The following RNF144A variants were observed in gnomAD, a reference collection of about 807,000 sequenced individuals.
The protein encoded by RNF144A is E3 ubiquitin-protein ligase RNF144A.
RNF144A carries 11 observed loss-of-function variants against 38.7 expected under a neutral mutation model. That is an observed-to-expected ratio of 0.28 (90% CI 0.18 to 0.47). RNF144A has a LOEUF of 0.47. RNF144A is among the 20% of genes least tolerant of loss of function. RNF144A has a pLI of 0.99. For missense variants in RNF144A, 316 were observed against 377.2 expected, an observed-to-expected ratio of 0.84 and a Z score of 1.34; for synonymous variants, 149 against 143.9, an observed-to-expected ratio of 1.04 and a Z score of -0.25.
At position 7,020,493 on chromosome 2, in the gene RNF144A, C is replaced by G; in HGVS notation, c.322C>G (p.Arg108Gly). ...ACCAGAGGTGCTGTTTGATCCCTGT[C>G]GGACTTGGTGCCCGGCGTCCACCTG... ...FEREVLFDPCRTWCPASTCQA... is the reference protein window; with the variant it reads ...FEREVLFDPCGTWCPASTCQA... The change falls in exon 6 of 9, where the codon CGG becomes GGG. Residue 108 changes from arginine (R) to glycine (G), a missense_variant. Arg to Gly is a moderately radical substitution (Grantham distance 125). Transcript: ENST00000320892. 1 of 1,613,758 alleles carries G rather than the reference C, an allele frequency of 6.2e-7. No individual in the cohort carries two copies. Among genetic ancestry groups the G allele is most frequent in the Non-Finnish European group, 8.5e-7 (1 of 1,179,962 alleles).
chr2:7,011,937 A>G (rs1384931275), intron 3 of RNF144A, among the ~76,000 whole-genome samples: 3 of 152,234 alleles, frequency 2.0e-5, no homozygotes, highest in African/African-American at 4.8e-5. Context: ...CTGATGACAC[A>G]TGATGTTCAC....
chr2:7,014,660 A>G (rs1671024288), intron 4 of RNF144A, 52 bp from the exon 5 acceptor site: 3 of 1,553,626 alleles, frequency 1.9e-6, no homozygotes, highest in East Asian at 2.2e-5. Flanking sequence ...GTTGCATTAT[A>G]TTCTAGCCCT....
intron 1 of RNF144A, among the ~76,000 whole-genome samples, chr2:6,930,851 C>T (rs1168718590): frequency 1.3e-5 from 2 of 152,268 alleles, no homozygotes; most frequent in Non-Finnish European, 2.9e-5. Context: ...ACCTCGGCCT[C>T]CCAAAGTGCT....
intron 3 of RNF144A, among the ~76,000 whole-genome samples, chr2:6,998,396 G>C (rs1669898287): frequency 6.6e-6 from 1 of 152,122 alleles, no homozygotes. Flanking sequence ...TTTTATCTTT[G>C]TTTTATAGAT....
intron 2 of RNF144A, among the ~76,000 whole-genome samples, chr2:6,957,698 T>G (rs1667097351): frequency 6.6e-6 from 1 of 152,256 alleles, no homozygotes; most frequent in East Asian, 1.9e-4. Flanking sequence ...ACTTGGACTT[T>G]ATGAGCCCTC....
At chr2:6,934,447 A>G (rs1428963481) in intron 1 of RNF144A, among the ~76,000 whole-genome samples, 2 of 151,968 alleles carry the variant, frequency 1.3e-5, no homozygotes, top group African/African-American at 4.8e-5. Context: ...CTTACTTTTT[A>G]CTTGTCTTAT....
chr2:6,963,482 T>G (rs1667469761), intron 2 of RNF144A, among the ~76,000 whole-genome samples: 1 of 152,216 alleles, frequency 6.6e-6, no homozygotes, highest in South Asian at 2.1e-4. Flanking sequence ...TAAACCACCT[T>G]TTCTTGCCTC....
chr2:6,933,751 T>C (rs1246997131), intron 1 of RNF144A, among the ~76,000 whole-genome samples: 1 of 152,074 alleles, frequency 6.6e-6, no homozygotes, highest in Non-Finnish European at 1.5e-5. Context: ...GGGATCATAG[T>C]GTATACATAT....
chr2:7,007,766 C>A (rs1447309271), intron 3 of RNF144A, among the ~76,000 whole-genome samples: 1 of 152,152 alleles, frequency 6.6e-6, no homozygotes, highest in South Asian at 2.1e-4. Flanking sequence ...GTGATGAAGC[C>A]GTGGCTGGGT....
intron 1 of RNF144A, among the ~76,000 whole-genome samples, chr2:6,921,446 A>G (rs1438244973): frequency 6.6e-6 from 1 of 152,212 alleles, no homozygotes; most frequent in Non-Finnish European, 1.5e-5. Context: ...CTTTGCTTGC[A>G]TCGTGGATGC....
chr2:6,930,535 T>A (rs1287091140), intron 1 of RNF144A, among the ~76,000 whole-genome samples: 1 of 152,034 alleles, frequency 6.6e-6, no homozygotes, highest in East Asian at 1.9e-4. Flanking sequence ...ATATATATAA[T>A]ATATATAGAT....
intron 3 of RNF144A, among the ~76,000 whole-genome samples, chr2:6,997,800 G>C (rs906161498): frequency 6.6e-6 from 1 of 152,182 alleles, no homozygotes; most frequent in African/African-American, 2.4e-5. Context: ...GCAGGGAATG[G>C]GGAGATGTAG....
intron 5 of RNF144A, among the ~76,000 whole-genome samples, chr2:7,019,740 A>G (rs1671391857): frequency 6.6e-6 from 1 of 152,252 alleles, no homozygotes; most frequent in Non-Finnish European, 1.5e-5. Flanking sequence ...CAATTTTTGG[A>G]CAAGGATGTG....
At chr2:7,026,732 G>A (rs1371565073) in intron 7 of RNF144A, among the ~76,000 whole-genome samples, 1 of 152,162 alleles carries the variant, frequency 6.6e-6, no homozygotes, top group Non-Finnish European at 1.5e-5. Flanking sequence ...GACTAGGAGG[G>A]AAGCTGCTGT....
At chr2:7,065,291 A>G (rs191856882) in intron 6 of RNF144A, among the ~76,000 whole-genome samples, 2 of 152,354 alleles carry the variant, frequency 1.3e-5, no homozygotes, top group African/African-American at 4.8e-5. Flanking sequence ...TCCTGGAACA[A>G]ACTATCAAAT....
chr2:7,024,699 A>C (rs1224043366), intron 7 of RNF144A, among the ~76,000 whole-genome samples, 183 bp downstream of exon 7: 3 of 152,236 alleles, frequency 2.0e-5, no homozygotes, highest in East Asian at 3.8e-4. Flanking sequence ...CCATGGGGAC[A>C]GAAGCCTTTG....
intron 6 of RNF144A, among the ~76,000 whole-genome samples, chr2:7,054,886 G>A (rs1673670818): frequency 6.6e-6 from 1 of 152,182 alleles, no homozygotes; most frequent in Non-Finnish European, 1.5e-5. Flanking sequence ...ATTTTCCTAA[G>A]TGACACACAT....
intron 2 of RNF144A, among the ~76,000 whole-genome samples, chr2:6,980,602 G>A (rs1326110651): frequency 6.6e-6 from 1 of 152,236 alleles, no homozygotes; most frequent in Non-Finnish European, 1.5e-5. Context: ...CTGCCTCTGT[G>A]GCTCTGTAGG....
intron 2 of RNF144A, among the ~76,000 whole-genome samples, chr2:6,976,941 C>A (rs1668354170): frequency 6.6e-6 from 1 of 152,096 alleles, no homozygotes; most frequent in African/African-American, 2.4e-5. Context: ...CATGCACTTG[C>A]AGCTTTTTAA....
Sources: allele counts gnomAD v4.1 joint callset (sites outside exome capture counted in the v4.1 genomes callset), GRCh38; gene constraint gnomAD v4.1.1; transcripts MANE v1.5; gene names NCBI Gene and HGNC (gene_info 2026-07-23, HGNC 2026-07-21).